The following GRIK1 variants were observed in gnomAD, a reference collection of about 807,000 sequenced individuals.
GRIK1 encodes glutamate ionotropic receptor kainate type subunit 1.
Under a neutral mutation model 105.7 loss-of-function variants are expected in GRIK1, and 69 were observed. That is an observed-to-expected ratio of 0.65 (90% CI 0.54 to 0.80). The LOEUF (loss-of-function observed/expected upper bound fraction) is 0.80. Ranked by LOEUF, GRIK1 falls within the 30% of genes least tolerant of loss-of-function variation. GRIK1 has a pLI of 0.00. For synonymous variants in GRIK1, 438 were observed against 431.3 expected, an observed-to-expected ratio of 1.02 and a Z score of -0.19; for missense variants, 1,109 against 1,167.3, an observed-to-expected ratio of 0.95 and a Z score of 0.73.
chr21:29,699,004 A>G (rs1311882350), intron 1 of GRIK1, among the ~76,000 whole-genome samples: 1 of 152,170 alleles, frequency 6.6e-6, no homozygotes, highest in Non-Finnish European at 1.5e-5. Context: ...GATTGCTCCC[A>G]CTGTACTTTT....
intron 1 of GRIK1, among the ~76,000 whole-genome samples, chr21:29,825,989 C>T (rs981850994): frequency 3.9e-5 from 6 of 152,046 alleles, no homozygotes; most frequent in Admixed American, 6.6e-5. Flanking sequence ...TTGGAGCCTC[C>T]TCTGTGCCTC....
intron 1 of GRIK1, among the ~76,000 whole-genome samples, chr21:29,889,347 T>C (rs2069805395): frequency 6.6e-6 from 1 of 152,172 alleles, no homozygotes; most frequent in African/African-American, 2.4e-5. Context: ...TCCGAGTTCT[T>C]TTAAAAGATA....
chr21:29,708,459 C>G (rs1300185092), intron 1 of GRIK1, among the ~76,000 whole-genome samples: 2 of 152,166 alleles, frequency 1.3e-5, no homozygotes, highest in Non-Finnish European at 2.9e-5. Flanking sequence ...ATTACAAATA[C>G]ATTAATTTTT....
chr21:29,607,330 C>T (rs1213040362), intron 7 of GRIK1, among the ~76,000 whole-genome samples: 1 of 151,704 alleles, frequency 6.6e-6, no homozygotes, highest in African/African-American at 2.4e-5. Context: ...TTCTATGTTT[C>T]CTTTCAAGAC....
chr21:29,785,456 C>T (rs552715168), intron 1 of GRIK1, among the ~76,000 whole-genome samples: 11 of 147,430 alleles, frequency 7.5e-5, no homozygotes, highest in African/African-American at 2.3e-4. Flanking sequence ...CCCAGCTACT[C>T]GGGAGGTTGA....
chr21:29,745,089 G>A (rs1469851834), intron 1 of GRIK1, among the ~76,000 whole-genome samples: 2 of 152,140 alleles, frequency 1.3e-5, no homozygotes, highest in African/African-American at 4.8e-5. Flanking sequence ...TGATTATAGA[G>A]GACTGTGACA....
chr21:29,651,296 A>G lies in GRIK1; in HGVS notation c.781-5T>C, dbSNP rs1243076016. 2 of 1,585,596 alleles carry G rather than the reference A, an allele frequency of 1.3e-6. No homozygotes were observed. Among genetic ancestry groups the G allele is most frequent in the Non-Finnish European group, 1.7e-6 (2 of 1,161,982 alleles). ...CAGATCCAAAGCAAATAAGTCCTGC[A>G]TAGTATCAAAAAGGATAACAGTGGA... On this transcript the variant is annotated splice_polypyrimidine_tract_variant and splice_region_variant and intron_variant, in intron 5 of 17. Coordinates refer to ENST00000327783, the MANE Select transcript of GRIK1 (RefSeq NM_001330994.2).
At chr21:29,566,679 G>A (rs1024889932) in intron 14 of GRIK1, among the ~76,000 whole-genome samples, 2 of 150,176 alleles carry the variant, frequency 1.3e-5, no homozygotes, top group Admixed American at 6.6e-5. Context: ...CATATGCAGT[G>A]TTTATTTACT....
intron 1 of GRIK1, among the ~76,000 whole-genome samples, chr21:29,805,289 A>G (rs554923187): frequency 6.6e-6 from 1 of 152,240 alleles, no homozygotes; most frequent in Admixed American, 6.6e-5. Context: ...TGCTGCAGCC[A>G]CTTTATCACT....
At chr21:29,632,891 G>C (rs897101311) in intron 7 of GRIK1, among the ~76,000 whole-genome samples, 9 of 152,182 alleles carry the variant, frequency 5.9e-5, no homozygotes, top group Admixed American at 5.2e-4. Flanking sequence ...GCCACTGATT[G>C]ACTATTTCAG....
intron 1 of GRIK1, among the ~76,000 whole-genome samples, chr21:29,937,059 G>T (rs1029328323): frequency 1.3e-5 from 2 of 152,064 alleles, no homozygotes; most frequent in Admixed American, 6.5e-5. Flanking sequence ...ATATAATAAA[G>T]AATACAACTC....
At chr21:29,650,418 T>A (rs557610765) in intron 6 of GRIK1, among the ~76,000 whole-genome samples, 1 of 152,226 alleles carries the variant, frequency 6.6e-6, no homozygotes, top group Non-Finnish European at 1.5e-5. Flanking sequence ...AAAAAATTAT[T>A]TCCTGCTATT....
intron 1 of GRIK1, among the ~76,000 whole-genome samples, chr21:29,901,938 G>A (rs1287887088): frequency 1.3e-5 from 2 of 152,122 alleles, no homozygotes; most frequent in Non-Finnish European, 2.9e-5. Context: ...ACATCAAAAA[G>A]CTTATCCACC....
chr21:29,613,438 A>C (rs530803749), intron 7 of GRIK1, among the ~76,000 whole-genome samples: 1 of 152,200 alleles, frequency 6.6e-6, no homozygotes, highest in Non-Finnish European at 1.5e-5. Flanking sequence ...CTACACCATA[A>C]GAATCACTGG....
intron 14 of GRIK1, among the ~76,000 whole-genome samples, chr21:29,563,390 C>A (rs958677797): frequency 6.6e-6 from 1 of 152,032 alleles, no homozygotes; most frequent in African/African-American, 2.4e-5. Flanking sequence ...TTGAAAATCC[C>A]CCTGAGAAAG....
At chr21:29,559,639 G>A (rs1244078487) in intron 15 of GRIK1, among the ~76,000 whole-genome samples, 3 of 152,168 alleles carry the variant, frequency 2.0e-5, no homozygotes, top group African/African-American at 7.2e-5. Flanking sequence ...CAGGTAGTTA[G>A]CAGGAAGTCA....
chr21:29,564,394 G>A (rs1016836950), intron 14 of GRIK1, among the ~76,000 whole-genome samples: 4 of 152,120 alleles, frequency 2.6e-5, no homozygotes, highest in Non-Finnish European at 4.4e-5. Context: ...TGATCCGCCC[G>A]CCTCGGCCTC....
At chr21:29,699,207 G>A (rs1568989316) in intron 1 of GRIK1, among the ~76,000 whole-genome samples, 1 of 152,202 alleles carries the variant, frequency 6.6e-6, no homozygotes, top group Non-Finnish European at 1.5e-5. Context: ...GTAAGTCACT[G>A]TTATGGACTG....
At chr21:29,816,908 G>A (rs1490766529) in intron 1 of GRIK1, among the ~76,000 whole-genome samples, 4 of 152,012 alleles carry the variant, frequency 2.6e-5, no homozygotes, top group African/African-American at 7.2e-5. Flanking sequence ...ACAATGTACT[G>A]TATATTTCAA....
Sources: allele counts gnomAD v4.1 joint callset (sites outside exome capture counted in the v4.1 genomes callset), GRCh38; gene constraint gnomAD v4.1.1; transcripts MANE v1.5; gene names NCBI Gene and HGNC (gene_info 2026-07-23, HGNC 2026-07-21).